The following FGF14 variants were observed in gnomAD, a reference collection of about 807,000 sequenced individuals.
FGF14 encodes fibroblast growth factor homologous factor 4.
Under a neutral mutation model 25.5 loss-of-function variants are expected in FGF14, and 5 were observed. The observed-to-expected ratio is 0.20, with a 90% CI of 0.10 to 0.41. FGF14 has a LOEUF of 0.41. Ranked by LOEUF, FGF14 falls within the 10% of genes least tolerant of loss-of-function variation. The pLI is 1.00. For missense variants in FGF14, 222 were observed against 320.1 expected (o/e 0.69, Z 2.34); for synonymous variants, 138 against 118.3 (o/e 1.17, Z -1.08).
chr13:102,162,900 G>A (rs2047838977), intron 1 of FGF14, among the ~76,000 whole-genome samples: 1 of 152,122 alleles, frequency 6.6e-6, no homozygotes, highest in Non-Finnish European at 1.5e-5. Context: ...GCAGTGGTTA[G>A]CAGCGTCCCC....
chr13:102,237,349 G>A (rs989489405), intron 1 of FGF14, among the ~76,000 whole-genome samples: 1 of 152,200 alleles, frequency 6.6e-6, no homozygotes, highest in African/African-American at 2.4e-5. Flanking sequence ...AGGGGATTGA[G>A]CCGGGTATGT....
chr13:102,331,842 A>C (rs2056642414), intron 1 of FGF14, among the ~76,000 whole-genome samples: 1 of 152,216 alleles, frequency 6.6e-6, no homozygotes, highest in African/African-American at 2.4e-5. Context: ...GTTTATGTGA[A>C]GAGAATGGGC....
chr13:102,330,374 C>A (rs888807999), intron 1 of FGF14, among the ~76,000 whole-genome samples: 6 of 152,102 alleles, frequency 3.9e-5, no homozygotes, highest in African/African-American at 1.4e-4. Flanking sequence ...TGTACTGGAT[C>A]CCATCCCATC....
chr13:102,161,575 A>AG (rs1158303272), intron 1 of FGF14, among the ~76,000 whole-genome samples: 6 of 5,474 alleles, frequency 1.1e-3, no homozygotes, highest in Admixed American at 2.5e-3. Flanking sequence ...TGAAGAAAGA[A>AG]AGAAGAAGAA....
intron 1 of FGF14, among the ~76,000 whole-genome samples, chr13:102,047,769 T>C (rs1175500796): frequency 1.3e-5 from 2 of 152,234 alleles, no homozygotes; most frequent in South Asian, 2.1e-4. Flanking sequence ...ACATGGCACA[T>C]GTATACATAT....
At chr13:102,148,909 A>ATTTTT (rs1270260470) in intron 1 of FGF14, among the ~76,000 whole-genome samples, 1 of 152,216 alleles carries the variant, frequency 6.6e-6, no homozygotes, top group African/African-American at 2.4e-5. Context: ...CTTTGTGATC[A>ATTTTT]CTGACCAGCG....
At chr13:102,076,058 G>A (rs1277592098) in intron 1 of FGF14, among the ~76,000 whole-genome samples, 2 of 152,166 alleles carry the variant, frequency 1.3e-5, no homozygotes, top group East Asian at 1.9e-4. Context: ...AAAAGTTATA[G>A]TAAGATAAGG....
intron 1 of FGF14, among the ~76,000 whole-genome samples, chr13:102,091,246 G>A (rs1300307079): frequency 2.6e-5 from 4 of 152,100 alleles, no homozygotes; most frequent in Admixed American, 2.0e-4. Context: ...TTCTAAACTT[G>A]CACTTCTATG....
chr13:102,107,003 T>C (rs956412595), intron 1 of FGF14, among the ~76,000 whole-genome samples: 2 of 152,162 alleles, frequency 1.3e-5, no homozygotes, highest in Admixed American at 1.3e-4. Flanking sequence ...CCATTTAGAG[T>C]GTGGACTGTT....
intron 1 of FGF14, among the ~76,000 whole-genome samples, chr13:102,059,215 T>C (rs1014035414): frequency 1.3e-4 from 20 of 152,166 alleles, no homozygotes; most frequent in Admixed American, 7.9e-4. Context: ...GAAGGACACA[T>C]TGTCACATCA....
chr13:102,246,000 T>G (rs1298321891), intron 1 of FGF14, among the ~76,000 whole-genome samples: 1 of 152,132 alleles, frequency 6.6e-6, no homozygotes, highest in Non-Finnish European at 1.5e-5. Flanking sequence ...ACATAAAACA[T>G]TACCAATGTT....
intron 3 of FGF14, among the ~76,000 whole-genome samples, chr13:101,803,637 G>A (rs983802566): frequency 6.6e-6 from 1 of 151,830 alleles, no homozygotes; most frequent in Non-Finnish European, 1.5e-5. Flanking sequence ...AAGCAGTAAT[G>A]CATTTTAAAA....
chr13:102,271,688 G>C (rs930254506), intron 1 of FGF14, among the ~76,000 whole-genome samples: 1 of 152,180 alleles, frequency 6.6e-6, no homozygotes, highest in Non-Finnish European at 1.5e-5. Flanking sequence ...CTAGTACAGT[G>C]TCTGGGTCTG....
intron 1 of FGF14, among the ~76,000 whole-genome samples, chr13:102,393,003 A>G (rs1296835385): frequency 1.3e-5 from 2 of 152,100 alleles, no homozygotes; most frequent in East Asian, 3.8e-4. Context: ...AACACCCTCT[A>G]TTTCTCAGTT....
chr13:102,108,070 A>G (rs1175286557), intron 1 of FGF14, among the ~76,000 whole-genome samples: 2 of 152,232 alleles, frequency 1.3e-5, no homozygotes, highest in Non-Finnish European at 2.9e-5. Flanking sequence ...ATTGAATTAT[A>G]TTTAATAACT....
chr13:102,149,723 G>A (rs1470474712), intron 1 of FGF14, among the ~76,000 whole-genome samples: 2 of 152,216 alleles, frequency 1.3e-5, no homozygotes, highest in African/African-American at 4.8e-5. Context: ...CAGACAGGGC[G>A]ACGAAGTCGA....
At chr13:102,161,082 A>G (rs1290761969) in intron 1 of FGF14, among the ~76,000 whole-genome samples, 1 of 152,204 alleles carries the variant, frequency 6.6e-6, no homozygotes, top group Non-Finnish European at 1.5e-5. Context: ...AGAGAGAGAA[A>G]GAAACAATGG....
intron 1 of FGF14, among the ~76,000 whole-genome samples, chr13:102,114,270 C>A (rs1025652595): frequency 6.6e-6 from 1 of 152,114 alleles, no homozygotes; most frequent in East Asian, 1.9e-4. Flanking sequence ...TTTTTGGGTA[C>A]TATTGAGTTG....
At chr13:102,096,669 T>C (rs1366763707) in intron 1 of FGF14, among the ~76,000 whole-genome samples, 1 of 152,178 alleles carries the variant, frequency 6.6e-6, no homozygotes, top group Non-Finnish European at 1.5e-5. Context: ...ACGTGCAGTT[T>C]CCAACTGTCA....
Sources: gnomAD v4.1 joint callset for allele counts (sites outside exome capture counted in the v4.1 genomes callset) on GRCh38, gnomAD v4.1.1 for gene constraint, MANE v1.5 for transcripts, NCBI Gene and HGNC (gene_info 2026-07-23, HGNC 2026-07-21) for gene names.